PDZD2: variants seen among roughly 807,000 people sequenced by gnomAD.
PDZD2 encodes PDZ domain containing 2.
A neutral mutation model predicts 220.7 loss-of-function variants in PDZD2; 90 were observed. That is an observed-to-expected ratio of 0.41 (90% CI 0.34 to 0.49). The LOEUF (loss-of-function observed/expected upper bound fraction) is 0.49. Among genes scored for constraint, PDZD2 ranks in the 20% least tolerant of loss-of-function variants. PDZD2 has a pLI of 0.28. For synonymous variants in PDZD2, 1,375 were observed against 1,450.5 expected (o/e 0.95, Z 1.18); for missense variants, 3,174 against 3,608.5 (o/e 0.88, Z 3.08).
At chr5:31,693,098 G>GC (rs11432368) in intron 1 of PDZD2, 80,680 of 150,866 alleles carry the variant, frequency 0.53, 22,158 homozygotes, top group African/African-American at 0.66. Context: ...GGGGCCTGCT[G>GC]CGCTGCTCAT....
chr5:31,708,814 C>A (rs548288188), intron 1 of PDZD2, among the ~76,000 whole-genome samples: 234 of 152,016 alleles, frequency 1.5e-3, no homozygotes, highest in African/African-American at 5.4e-3. Flanking sequence ...AAGGGAAGCC[C>A]AGTATGTTGT....
At chr5:31,658,269 A>C (rs6890960) in intron 1 of PDZD2, among the ~76,000 whole-genome samples, 66,352 of 151,880 alleles carry the variant, frequency 0.44, 15,692 homozygotes, top group Non-Finnish European at 0.51. Context: ...CCTCTCAGCA[A>C]GGAATCTTCA....
intron 7 of PDZD2, among the ~76,000 whole-genome samples, chr5:32,042,190 A>G (rs1214843541): frequency 1.3e-5 from 2 of 151,352 alleles, no homozygotes; most frequent in East Asian, 3.9e-4. Flanking sequence ...TGAATCCAGG[A>G]GGCGGAGCTT....
rs551730270 is a variant in PDZD2 at position 32,098,765 on chromosome 5, G to A, written c.8218+131G>A. 74 of 806,792 alleles carry A rather than the reference G, an allele frequency of 9.2e-5. No homozygotes were observed. In the African/African-American group the frequency reaches 1.2e-3, roughly 13 times the overall value. The allele number at this position is 806,792 out of a possible 1,614,324, so 50.0% of individuals were successfully genotyped here. ...AAAATTAAATGTAGCGAAGTCTAGTGTGTTTGGATGCTGCTTACAAAAGCA... is the reference window on the plus strand; with the variant it reads ...AAAATTAAATGTAGCGAAGTCTAGTATGTTTGGATGCTGCTTACAAAAGCA... On this transcript the variant is annotated intron_variant, in intron 23 of 24. Coordinates refer to ENST00000438447, the MANE Select transcript of PDZD2 (RefSeq NM_178140.4). This position sits in a 1 kb window ranked among gnomAD's most constrained non-coding sequence, Gnocchi z 4.1.
At chr5:32,020,162 G>A (rs1754088453) in intron 6 of PDZD2, among the ~76,000 whole-genome samples, 1 of 151,158 alleles carries the variant, frequency 6.6e-6, no homozygotes, top group Non-Finnish European at 1.5e-5. Context: ...CCACCTCCAT[G>A]CCTAGCTAAT....
In PDZD2 at chr5:32,090,270, A is replaced by G; in HGVS notation, c.6822A>G (p.Gly2274=). ...GTGGTCTTCCCAGCCTGGCTAATGG[A>G]CAGGGCATATATAGTGTAAAGCCGC... The part of the protein sequence containing the change: ...SRGGLPSLAN[G]QGIYSVKPLL... The change falls in exon 20 of 25, where the codon GGA becomes GGG. Residue 2274 remains glycine (G), a synonymous_variant. Coordinates refer to ENST00000438447, the MANE Select transcript of PDZD2 (RefSeq NM_178140.4). This position sits in a 1 kb window ranked among gnomAD's most constrained non-coding sequence, Gnocchi z 4.3. 1 of 1,614,190 alleles carries G rather than the reference A, an allele frequency of 6.2e-7. No homozygotes were observed. The highest frequency in any genetic ancestry group is 8.5e-7 in the Non-Finnish European group (1 of 1,180,008).
At chr5:32,068,738 CT>C (rs1345911445) in intron 14 of PDZD2, among the ~76,000 whole-genome samples, 2 of 152,092 alleles carry the variant, frequency 1.3e-5, no homozygotes, top group Non-Finnish European at 2.9e-5. Context: ...AAAAGAATGT[CT>C]TTGTTTCTAA....
At chr5:32,027,817 C>T (rs1754792958) in intron 6 of PDZD2, among the ~76,000 whole-genome samples, 1 of 152,180 alleles carries the variant, frequency 6.6e-6, no homozygotes, top group African/African-American at 2.4e-5. Flanking sequence ...ATTCCCAGCC[C>T]AGGCCTCTCT....
intron 2 of PDZD2, among the ~76,000 whole-genome samples, chr5:31,927,453 C>T (rs538449492): frequency 5.3e-5 from 8 of 152,210 alleles, no homozygotes; most frequent in East Asian, 1.9e-4. Flanking sequence ...GGCACTATCT[C>T]GCTCACTGCA....
At chr5:31,826,015 G>A (rs1311590041) in intron 2 of PDZD2, among the ~76,000 whole-genome samples, 1 of 152,066 alleles carries the variant, frequency 6.6e-6, no homozygotes, top group South Asian at 2.1e-4. Context: ...AAGTTCAGTT[G>A]CCCCTCAATG....
intron 1 of PDZD2, among the ~76,000 whole-genome samples, chr5:31,751,867 G>T (rs1429093102): frequency 6.6e-6 from 1 of 151,866 alleles, no homozygotes; most frequent in Non-Finnish European, 1.5e-5. Context: ...AAGCTGGGCT[G>T]GGGGAGGAGG....
intron 2 of PDZD2, among the ~76,000 whole-genome samples, chr5:31,959,251 T>A (rs1191347384): frequency 1.4e-5 from 2 of 143,906 alleles, no homozygotes; most frequent in East Asian, 4.1e-4. Context: ...ATATATATAT[T>A]TATATATATA....
At chr5:31,861,602 C>T (rs973325270) in intron 2 of PDZD2, among the ~76,000 whole-genome samples, 2 of 152,210 alleles carry the variant, frequency 1.3e-5, no homozygotes, top group African/African-American at 4.8e-5. Context: ...AGCAAACATC[C>T]TGGGCTGTCA....
intron 6 of PDZD2, among the ~76,000 whole-genome samples, chr5:32,011,724 G>T (rs1032006343): frequency 2.0e-5 from 3 of 152,050 alleles, no homozygotes; most frequent in Admixed American, 6.6e-5. Context: ...CTTAGAATAA[G>T]GCCTTAGAAG....
In PDZD2 at chr5:31,639,234, G is replaced by T. The variant is rs1166052756; in HGVS notation, c.-564G>T. Among the ~76,000 whole-genome samples, 1 of 151,414 alleles carries T rather than the reference G, an allele frequency of 6.6e-6. No individual in the cohort carries two copies. Among genetic ancestry groups the T allele is most frequent in the African/African-American group, 2.4e-5 (1 of 41,360 alleles). ...CGCGGCGGGGCGGCGGCTGCAGGCAGCCGAGGAGCCGCAGGCCGAACCCAA... is the reference window on the plus strand; with the variant it reads ...CGCGGCGGGGCGGCGGCTGCAGGCATCCGAGGAGCCGCAGGCCGAACCCAA... On this transcript the variant is annotated 5_prime_UTR_variant, in exon 1 of 25. Coordinates refer to ENST00000438447, the MANE Select transcript of PDZD2 (RefSeq NM_178140.4). The surrounding 1 kb of genome is among the most constrained non-coding windows in gnomAD (Gnocchi z 4.1).
chr5:31,894,831 C>G (rs150496172), intron 2 of PDZD2, among the ~76,000 whole-genome samples: 137 of 152,320 alleles, frequency 9.0e-4, no homozygotes, highest in African/African-American at 3.2e-3. Flanking sequence ...GACAGTTATT[C>G]TGGAGTTTGT....
chr5:31,815,455 G>A (rs571824453), intron 2 of PDZD2, among the ~76,000 whole-genome samples: 1 of 152,176 alleles, frequency 6.6e-6, no homozygotes, highest in South Asian at 2.1e-4. Flanking sequence ...GGAATAAAAT[G>A]CTTCAATTTC....
chr5:31,694,156 C>T (rs902089248), intron 1 of PDZD2, among the ~76,000 whole-genome samples: 17 of 152,084 alleles, frequency 1.1e-4, no homozygotes, highest in African/African-American at 3.6e-4. Flanking sequence ...TTTGGGAGGC[C>T]ATGGTGGGCA....
At chr5:31,902,180 G>A (rs992945511) in intron 2 of PDZD2, among the ~76,000 whole-genome samples, 1 of 152,144 alleles carries the variant, frequency 6.6e-6, no homozygotes, top group Non-Finnish European at 1.5e-5. Flanking sequence ...CAACGTTACT[G>A]CACAATTTTA....
Sources: allele counts gnomAD v4.1 joint callset (sites outside exome capture counted in the v4.1 genomes callset), GRCh38; gene constraint gnomAD v4.1.1; non-coding constraint Gnocchi (gnomAD v3.1); transcripts MANE v1.5; gene names NCBI Gene and HGNC (gene_info 2026-07-23, HGNC 2026-07-21).